The following KCNK12 variants were observed in gnomAD, a reference collection of about 807,000 sequenced individuals.
The protein encoded by KCNK12 is potassium two pore domain channel subfamily K member 12, also known as potassium channel subfamily K member 12.
Under a neutral mutation model 25.3 loss-of-function variants are expected in KCNK12, and 6 were observed. That is an observed-to-expected ratio of 0.24 (90% CI 0.13 to 0.47). The LOEUF (loss-of-function observed/expected upper bound fraction) is 0.47, where lower values mean the gene tolerates loss of function less well. KCNK12 is among the 20% of genes least tolerant of loss of function. The pLI is 0.99. For missense variants in KCNK12, 444 were observed against 661.7 expected, an observed-to-expected ratio of 0.67 and a Z score of 3.61; for synonymous variants, 331 against 311.1, an observed-to-expected ratio of 1.06 and a Z score of -0.67.
Position 47,562,084 on chromosome 2 carries a change from C to G in KCNK12, c.391+7857G>C. 1 of 398,558 alleles carries G rather than the reference C, an allele frequency of 2.5e-6. No homozygotes were observed. Among genetic ancestry groups the G allele is most frequent in the Non-Finnish European group, 4.4e-6 (1 of 226,102 alleles). 24.7% of individuals were successfully genotyped at this position (398,558 alleles called of 1,614,324 possible). A position where few individuals can be genotyped will look rare whatever the true frequency, so the allele number is the denominator to read the frequency against. ...CCTGACTCACCGCTGTTCTCTCTAC[C>G]CTAGCGACTCCAAGTGCATCAGCAT... On this transcript the variant is annotated intron_variant, in intron 1 of 1. Coordinates refer to ENST00000327876, the MANE Select transcript of KCNK12 (RefSeq NM_022055.2). The surrounding 1 kb of genome is among the most constrained non-coding windows in gnomAD (Gnocchi z 4.8).
intron 1 of KCNK12, among the ~76,000 whole-genome samples, chr2:47,522,839 A>C (rs1469492714): frequency 6.6e-6 from 1 of 152,216 alleles, no homozygotes; most frequent in Non-Finnish European, 1.5e-5. Context: ...ACATACTAGA[A>C]TAGCAGACTT....
chr2:47,521,844 CGCGCAGGTGGTCCTCACTGG>C, intron 1 of KCNK12, 36 bp from the exon 2 acceptor site: 11 of 1,256,536 alleles, frequency 8.8e-6, no homozygotes, highest in Non-Finnish European at 1.1e-5. Flanking sequence ...CGGTCCTGGC[CGCGCAGGTGGTCCTCACTGG>C]GCGAGGGTGG....
chr2:47,520,755 G>A lies in KCNK12; in HGVS notation c.*152C>T, dbSNP rs1282834698. 4.1e-6 allele frequency: 2 copies of A among 490,596 alleles called. No homozygotes were observed. Among genetic ancestry groups the A allele is most frequent in the Non-Finnish European group, 6.4e-6 (2 of 311,448 alleles). 30.4% of individuals were successfully genotyped at this position (490,596 alleles called of 1,614,324 possible). A position where few individuals can be genotyped will look rare whatever the true frequency, so the allele number is the denominator to read the frequency against. On this transcript the variant is annotated 3_prime_UTR_variant, in exon 2 of 2. Transcript: ENST00000327876. The surrounding 1 kb of genome is among the most constrained non-coding windows in gnomAD (Gnocchi z 5.0). ...CAAAACCTGCCCTTGATAACATCAG[G>A]CCTGGCCAAATAGTATTTCTTTAAA...
At chr2:47,559,214 G>T (rs1357560363) in intron 1 of KCNK12, among the ~76,000 whole-genome samples, 1 of 152,206 alleles carries the variant, frequency 6.6e-6, no homozygotes, top group African/African-American at 2.4e-5. Context: ...CACTGCCAGG[G>T]AGGGGAGCTC....
At chr2:47,549,869 G>A (rs1669389472) in intron 1 of KCNK12, among the ~76,000 whole-genome samples, 1 of 151,958 alleles carries the variant, frequency 6.6e-6, no homozygotes, top group Admixed American at 6.6e-5. Flanking sequence ...AGGAGGCAGA[G>A]GTTGCAGTGA....
intron 1 of KCNK12, chr2:47,564,922 C>T (rs191215552): frequency 1.3e-5 from 2 of 151,984 alleles, no homozygotes; most frequent in East Asian, 1.9e-4. Flanking sequence ...AATCCCAGCA[C>T]GCTGAAAGGC....
In KCNK12 at chr2:47,521,405, G is replaced by A; in HGVS notation, c.795C>T (p.Ser265=). ...STIGFGDLVS[S]QHAAYRNQGL... ...CCTGGTTCCGGTAGGCGGCGTGCTG[G>A]CTGCTCACCAGGTCCCCGAAGCCGA... The change falls in exon 2 of 2, where the codon AGC becomes AGT. Residue 265 remains serine, a synonymous_variant. Coordinates refer to ENST00000327876, the MANE Select transcript of KCNK12 (RefSeq NM_022055.2). 1 of 1,613,470 alleles carries A rather than the reference G, an allele frequency of 6.2e-7. No individual in the cohort carries two copies. The highest frequency in any genetic ancestry group is 1.1e-5 in the South Asian group (1 of 90,940).
In KCNK12 at chr2:47,570,484, A is replaced by C; in HGVS notation, c.-153T>G. On this transcript the variant is annotated 5_prime_UTR_variant, in exon 1 of 2. Coordinates refer to ENST00000327876, the MANE Select transcript of KCNK12 (RefSeq NM_022055.2). ...TCGCAGAGCCCCTCGTCGCCTTCCC[A>C]GAGCCCGGACAGAGGGGCGCCTCCG... is the stretch of plus-strand genomic sequence containing the variant. 1 of 794,556 alleles carries C rather than the reference A, an allele frequency of 1.3e-6. No homozygotes were observed. The highest frequency in any genetic ancestry group is 4.7e-5 in the Admixed American group (1 of 21,282). 49.2% of individuals were successfully genotyped at this position (794,556 alleles called of 1,614,324 possible).
Position 47,560,462 on chromosome 2 carries a change from C to A in KCNK12, c.391+9479G>T, listed in dbSNP as rs575309470. ...GCTCTCACTGATGCCTCCTCATCCT[C>A]CTCCTCCACCCACACAACCCTGCAG... On this transcript the variant is annotated intron_variant, in intron 1 of 1. Coordinates refer to ENST00000327876, the MANE Select transcript of KCNK12 (RefSeq NM_022055.2). The surrounding 1 kb of genome is among the most constrained non-coding windows in gnomAD (Gnocchi z 4.7). 4.6e-5 allele frequency among the ~76,000 whole-genome samples: 7 copies of A among 152,342 alleles called. No homozygotes were observed. The South Asian group carries it at 1.5e-3, about 32-fold the overall frequency.
In KCNK12 at chr2:47,566,223, G is replaced by T. The variant is rs1669783986; in HGVS notation, c.391+3718C>A. On this transcript the variant is annotated intron_variant, in intron 1 of 1. Transcript: ENST00000327876. This position sits in a 1 kb window ranked among gnomAD's most constrained non-coding sequence, Gnocchi z 4.1. ...TATCTACACGATTGCAAACTGCCCA[G>T]CTGTGGATACGGGGCCCTGTTCAAA... The T allele has an allele frequency of 6.6e-6, 1 of 152,186 alleles. No individual in the cohort carries two copies. Among genetic ancestry groups the T allele is most frequent in the Admixed American group, 6.5e-5 (1 of 15,278 alleles). 9.4% of individuals were successfully genotyped at this position (152,186 alleles called of 1,614,324 possible).
At chr2:47,543,277 G>A (rs1435038739) in intron 1 of KCNK12, 1 of 145,414 alleles carries the variant, frequency 6.9e-6, no homozygotes, top group Non-Finnish European at 1.5e-5. Context: ...TTTTTTTTTA[G>A]CTTTGATTAC....
In KCNK12 at chr2:47,569,326, A is replaced by G. The variant is rs1282882655; in HGVS notation, c.391+615T>C. Among the ~76,000 whole-genome samples the G allele has an allele frequency of 6.6e-6, 1 of 152,120 alleles. No homozygotes were observed. Among genetic ancestry groups the G allele is most frequent in the Non-Finnish European group, 1.5e-5 (1 of 68,022 alleles). ...GGGGGAGAACACAAGGAAGGGAGGC[A>G]GAACAACAGCAGCTGAAGTCCTGGC... On this transcript the variant is annotated intron_variant, in intron 1 of 1. Transcript: ENST00000327876. This position sits in a 1 kb window ranked among gnomAD's most constrained non-coding sequence, Gnocchi z 4.1.
chr2:47,562,517 C>G lies in KCNK12; in HGVS notation c.391+7424G>C, dbSNP rs138705796. ...AAGCGCAGGGAGGAGGCAGCACTCACAAGACAGAGTCCGGAGCATTCTCCA... is the reference window on the plus strand; with the variant it reads ...AAGCGCAGGGAGGAGGCAGCACTCAGAAGACAGAGTCCGGAGCATTCTCCA... On this transcript the variant is annotated intron_variant, in intron 1 of 1. Transcript: ENST00000327876. This position sits in a 1 kb window ranked among gnomAD's most constrained non-coding sequence, Gnocchi z 4.8. 780 of 238,582 alleles carry G rather than the reference C, an allele frequency of 3.3e-3. No individual in the cohort carries two copies. The highest frequency in any genetic ancestry group is 5.5e-3 in the Non-Finnish European group (674 of 121,900). The allele number at this position is 238,582 out of a possible 1,614,324, so 14.8% of individuals were successfully genotyped here.
In KCNK12 at chr2:47,569,578, G is replaced by A. The variant is rs372089607; in HGVS notation, c.391+363C>T. 5.9e-5 allele frequency among the ~76,000 whole-genome samples: 9 copies of A among 152,278 alleles called. No homozygotes were observed. The highest frequency in any genetic ancestry group is 2.2e-4 in the African/African-American group (9 of 41,558). On this transcript the variant is annotated intron_variant, in intron 1 of 1. Transcript: ENST00000327876. The surrounding 1 kb of genome is among the most constrained non-coding windows in gnomAD (Gnocchi z 4.1). ...GAGAAGGGGCTTTTGAGATCATCCT[G>A]GAGAGGAAACTGAGGCCTGGGGGTT...
chr2:47,528,077 C>G lies in KCNK12; in HGVS notation c.392-6269G>C, dbSNP rs1436847910. On this transcript the variant is annotated intron_variant, in intron 1 of 1. Coordinates refer to ENST00000327876, the MANE Select transcript of KCNK12 (RefSeq NM_022055.2). The surrounding 1 kb of genome is among the most constrained non-coding windows in gnomAD (Gnocchi z 4.5). Reference sequence around the variant, plus strand: ...CTTGTCCTGGGGTCTTCTTACGGCCCTGGTTCAGCTTGCATTCAGCATAAC... The same window carrying G: ...CTTGTCCTGGGGTCTTCTTACGGCCGTGGTTCAGCTTGCATTCAGCATAAC... Among the ~76,000 whole-genome samples, 1 of 152,158 alleles carries G rather than the reference C, an allele frequency of 6.6e-6. No individual in the cohort carries two copies. Among genetic ancestry groups the G allele is most frequent in the Non-Finnish European group, 1.5e-5 (1 of 68,022 alleles).
chr2:47,552,496 G>A (rs1422808198), intron 1 of KCNK12, among the ~76,000 whole-genome samples: 1 of 152,222 alleles, frequency 6.6e-6, no homozygotes. Flanking sequence ...TGTAGAGCCT[G>A]GCGGCTCATG....
Position 47,527,052 on chromosome 2 carries a change from C to A in KCNK12, c.392-5244G>T, listed in dbSNP as rs1573627633. On this transcript the variant is annotated intron_variant, in intron 1 of 1. Transcript: ENST00000327876. ...GTGAAAAGCAGTTGCGAAGTCCCCA[C>A]AGCTTGGAAATGGTGGAGCCGAGAC... Among the ~76,000 whole-genome samples, 4 of 152,336 alleles carry A rather than the reference C, an allele frequency of 2.6e-5. No individual in the cohort carries two copies. The South Asian group carries it at 6.2e-4, about 24-fold the overall frequency.
In KCNK12 at chr2:47,565,351, A is replaced by G. The variant is rs1412452606; in HGVS notation, c.391+4590T>C. ...AATGTCTTAGTTTCCTTTGTAGCAA[A>G]AAGAGTTTTAAAAATCCATGTTGAA... On this transcript the variant is annotated intron_variant, in intron 1 of 1. Transcript: ENST00000327876. The surrounding 1 kb of genome is among the most constrained non-coding windows in gnomAD (Gnocchi z 5.0). 6.6e-6 allele frequency: 1 copy of G among 152,210 alleles called. No homozygotes were observed. Among genetic ancestry groups the G allele is most frequent in the African/African-American group, 2.4e-5 (1 of 41,440 alleles). The allele number at this position is 152,210 out of a possible 1,614,324, so 9.4% of individuals were successfully genotyped here. A position where few individuals can be genotyped will look rare whatever the true frequency, so the allele number is the denominator to read the frequency against.
intron 1 of KCNK12, among the ~76,000 whole-genome samples, chr2:47,546,936 G>A (rs1669327421): frequency 6.6e-6 from 1 of 152,052 alleles, no homozygotes; most frequent in Admixed American, 6.5e-5. Context: ...GAGGGAGGGA[G>A]GGGAACTGCC....
Sources: allele counts gnomAD v4.1 joint callset (sites outside exome capture counted in the v4.1 genomes callset), GRCh38; gene constraint gnomAD v4.1.1; non-coding constraint Gnocchi (gnomAD v3.1); transcripts MANE v1.5; gene names NCBI Gene and HGNC (gene_info 2026-07-23, HGNC 2026-07-21).